The following JAKMIP2 variants were observed in gnomAD, a reference collection of about 807,000 sequenced individuals.
JAKMIP2 encodes janus kinase and microtubule interacting protein 2, also known as janus kinase and microtubule-interacting protein 2.
Under a neutral mutation model 115.0 loss-of-function variants are expected in JAKMIP2, and 25 were observed. The ratio of observed to expected loss-of-function variants is 0.22; its 90% CI spans 0.16 to 0.30. The LOEUF (loss-of-function observed/expected upper bound fraction) is 0.30, where lower values mean the gene tolerates loss of function less well. JAKMIP2 is among the 10% of genes least tolerant of loss of function. JAKMIP2 has a pLI of 1.00. For synonymous variants in JAKMIP2, 334 were observed against 343.6 expected (o/e 0.97, Z 0.31); for missense variants, 642 against 957.6 (o/e 0.67, Z 4.35).
At chr5:147,765,227 A>G (rs1446868610) in intron 1 of JAKMIP2, among the ~76,000 whole-genome samples, 1 of 152,102 alleles carries the variant, frequency 6.6e-6, no homozygotes. Flanking sequence ...AATAAGAAAA[A>G]GATCTGGGAA....
At chr5:147,643,234 T>C (rs943540650) in intron 7 of JAKMIP2, among the ~76,000 whole-genome samples, 3 of 152,154 alleles carry the variant, frequency 2.0e-5, no homozygotes, top group Non-Finnish European at 2.9e-5. Flanking sequence ...ATAGTCAACA[T>C]AGAAATTTTA....
At chr5:147,678,795 A>G (rs1018591602) in intron 1 of JAKMIP2, among the ~76,000 whole-genome samples, 1 of 152,108 alleles carries the variant, frequency 6.6e-6, no homozygotes, top group Admixed American at 6.6e-5. Flanking sequence ...ATTTATGTAT[A>G]TACCTACTAC....
intron 18 of JAKMIP2, 147 bp from the exon 19 acceptor site, chr5:147,618,261 C>A: frequency 1.6e-6 from 1 of 640,750 alleles, no homozygotes; most frequent in Non-Finnish European, 2.7e-6. Context: ...ACTTCTCTAG[C>A]CTAATTACAC....
At position 147,588,938 on chromosome 5, in the gene JAKMIP2, C is replaced by T. The variant is rs891304699; in HGVS notation, c.*2769G>A. Reference sequence around the variant, plus strand: ...GAAGGAAGGTGTGTGTTGGAGCAGACGGAATATAGATTTACTCATATGGGC... The same window carrying T: ...GAAGGAAGGTGTGTGTTGGAGCAGATGGAATATAGATTTACTCATATGGGC... On this transcript the variant is annotated 3_prime_UTR_variant, in exon 22 of 22. Coordinates refer to ENST00000616793, the MANE Select transcript of JAKMIP2 (RefSeq NM_001270941.2). 3.3e-5 allele frequency: 5 copies of T among 151,564 alleles called. No individual in the cohort carries two copies. The highest frequency in any genetic ancestry group is 4.8e-5 in the African/African-American group (2 of 41,262). The allele number at this position is 151,564 out of a possible 1,614,324, so 9.4% of individuals were successfully genotyped here.
intron 21 of JAKMIP2, chr5:147,595,282 GC>G (rs1755311450): frequency 6.0e-5 from 19 of 315,656 alleles, no homozygotes; most frequent in South Asian, 5.1e-4. Flanking sequence ...AATCCCCAGT[GC>G]AAGAGTATTA....
intron 18 of JAKMIP2, among the ~76,000 whole-genome samples, chr5:147,620,025 C>T (rs899382499): frequency 6.6e-6 from 1 of 152,104 alleles, no homozygotes; most frequent in African/African-American, 2.4e-5. Context: ...AATAAAATTT[C>T]TCTTTAATCT....
intron 3 of JAKMIP2, among the ~76,000 whole-genome samples, chr5:147,656,259 C>T (rs1432944145): frequency 6.6e-6 from 1 of 152,220 alleles, no homozygotes; most frequent in Admixed American, 6.5e-5. Flanking sequence ...TTTTCTATCA[C>T]ATTGATCTGT....
At chr5:147,605,121 C>T (rs1183663805) in intron 20 of JAKMIP2, among the ~76,000 whole-genome samples, 1 of 151,382 alleles carries the variant, frequency 6.6e-6, no homozygotes, top group Non-Finnish European at 1.5e-5. Context: ...TGACTGTTTC[C>T]AACTTCATCC....
At chr5:147,686,418 C>T (rs1760575077) in intron 1 of JAKMIP2, among the ~76,000 whole-genome samples, 1 of 152,146 alleles carries the variant, frequency 6.6e-6, no homozygotes, top group Non-Finnish European at 1.5e-5. Context: ...CTCACGGGTA[C>T]AAATCACTCA....
chr5:147,633,354 G>C (rs948365119), intron 12 of JAKMIP2, among the ~76,000 whole-genome samples: 2 of 152,098 alleles, frequency 1.3e-5, no homozygotes, highest in African/African-American at 4.8e-5. Flanking sequence ...CTAGAATCTA[G>C]GAACTGTGGC....
Position 147,629,317 on chromosome 5 carries a change from A to G in JAKMIP2, c.1929+376T>C, listed in dbSNP as rs192870341. On this transcript the variant is annotated intron_variant, in intron 15 of 21. Transcript: ENST00000616793. ...AAAATGCATTATAGCCTCCTGGTCC[A>G]TTTTTATGGCACTGCCAACAACCCT... Among the ~76,000 whole-genome samples the G allele has an allele frequency of 6.6e-5, 10 of 152,280 alleles. No individual in the cohort carries two copies. The East Asian group carries it at 1.9e-3, about 29-fold the overall frequency.
chr5:147,770,194 A>G (rs1755298739), intron 1 of JAKMIP2, among the ~76,000 whole-genome samples: 1 of 152,032 alleles, frequency 6.6e-6, no homozygotes, highest in African/African-American at 2.4e-5. Context: ...TCTACAACAT[A>G]CTGTTTAAAG....
chr5:147,677,469 G>A (rs1172629817), intron 1 of JAKMIP2, among the ~76,000 whole-genome samples: 1 of 152,180 alleles, frequency 6.6e-6, no homozygotes, highest in Non-Finnish European at 1.5e-5. Context: ...AGAAGCCACT[G>A]AGAGAAGAGG....
chr5:147,771,022 A>T (rs1332568829), intron 1 of JAKMIP2, among the ~76,000 whole-genome samples: 3 of 152,046 alleles, frequency 2.0e-5, no homozygotes, highest in Non-Finnish European at 4.4e-5. Flanking sequence ...TTGTTCTTGA[A>T]TGTAGATTTA....
chr5:147,694,318 T>A (rs1254641811), intron 1 of JAKMIP2, among the ~76,000 whole-genome samples: 1 of 152,148 alleles, frequency 6.6e-6, no homozygotes, highest in Non-Finnish European at 1.5e-5. Flanking sequence ...TTTTTGGGTG[T>A]CTCTCATCTT....
chr5:147,615,890 A>G (rs1442992862), intron 19 of JAKMIP2, among the ~76,000 whole-genome samples: 1 of 152,108 alleles, frequency 6.6e-6, no homozygotes, highest in Non-Finnish European at 1.5e-5. Context: ...CAGTACCTGG[A>G]AGCTGGTGGA....
intron 1 of JAKMIP2, among the ~76,000 whole-genome samples, chr5:147,726,827 G>C (rs1252981885): frequency 1.3e-5 from 2 of 151,836 alleles, no homozygotes; most frequent in African/African-American, 4.9e-5. Context: ...CTTTCTTTTA[G>C]TCTCTGCTTA....
chr5:147,737,553 T>C (rs1753973266), intron 1 of JAKMIP2, among the ~76,000 whole-genome samples: 1 of 152,182 alleles, frequency 6.6e-6, no homozygotes, highest in Non-Finnish European at 1.5e-5. Context: ...GTGACAGACC[T>C]CCAGGTTTAG....
chr5:147,651,659 T>C (rs924246407), intron 3 of JAKMIP2, among the ~76,000 whole-genome samples: 4 of 152,318 alleles, frequency 2.6e-5, no homozygotes, highest in Admixed American at 6.5e-5. Flanking sequence ...TGGTGTTACA[T>C]AGTCACGTAT....
Sources: gnomAD v4.1 joint callset for allele counts (sites outside exome capture counted in the v4.1 genomes callset) on GRCh38, gnomAD v4.1.1 for gene constraint, MANE v1.5 for transcripts, NCBI Gene and HGNC (gene_info 2026-07-23, HGNC 2026-07-21) for gene names.